GBF1: variants seen among roughly 807,000 people sequenced by gnomAD.
GBF1 encodes the protein Golgi-specific brefeldin A-resistance guanine nucleotide exchange factor 1.
A neutral mutation model predicts 210.5 loss-of-function variants in GBF1; 114 were observed. That is an observed-to-expected ratio of 0.54 (90% CI 0.47 to 0.63). GBF1 has a LOEUF of 0.63. Among genes scored for constraint, GBF1 ranks in the 30% least tolerant of loss-of-function variants. The pLI is 0.00. For synonymous variants in GBF1, 850 were observed against 889.2 expected (o/e 0.96, Z 0.78); for missense variants, 1,851 against 2,357.7 (o/e 0.79, Z 4.45).
In GBF1 at chr10:102,358,088, AGAAGAGATCCC is replaced by A; in HGVS notation, c.690_700del (p.Gln230HisfsTer27). Reference sequence around the variant, plus strand: ...AGTGATTCATCCAAATGGAAGAAACAGAAGAGATCCCCTCGGCCCCCACGCCATATGACCAA... The same window carrying A: ...AGTGATTCATCCAAATGGAAGAAACACTCGGCCCCCACGCCATATGACCAA... On this transcript the variant is annotated frameshift_variant, in exon 9 of 40. Coordinates refer to ENST00000369983, the MANE Select transcript of GBF1 (RefSeq NM_001377137.1). LOFTEE classifies it high-confidence loss of function. 1 of 1,610,360 alleles carries A rather than the reference AGAAGAGATCCC, an allele frequency of 6.2e-7. No homozygotes were observed. Among genetic ancestry groups the A allele is most frequent in the Non-Finnish European group, 8.5e-7 (1 of 1,176,544 alleles).
chr10:102,358,768 A>G (rs1465161931), intron 10 of GBF1, 39 bp downstream of exon 10: 2 of 1,324,650 alleles, frequency 1.5e-6, no homozygotes, highest in Admixed American at 3.6e-5. Context: ...TCAGTATTCC[A>G]CTGTGGGAAA....
chr10:102,382,551 G>T lies in GBF1; in HGVS notation c.*215G>T, dbSNP rs2060919143. 1 of 511,262 alleles carries T rather than the reference G, an allele frequency of 2.0e-6. No homozygotes were observed. The highest frequency in any genetic ancestry group is 3.4e-6 in the Non-Finnish European group (1 of 291,448). The allele number at this position is 511,262 out of a possible 1,614,324, so 31.7% of individuals were successfully genotyped here. ...TCCTCCTCTGCGCTCCATTCCTGGG[G>T]GTTCAGCCTGAGAGTGAACTCAGCT... On this transcript the variant is annotated 3_prime_UTR_variant, in exon 40 of 40. Coordinates refer to ENST00000369983, the MANE Select transcript of GBF1 (RefSeq NM_001377137.1).
intron 4 of GBF1, among the ~76,000 whole-genome samples, chr10:102,347,024 G>A (rs934993956): frequency 2.0e-5 from 3 of 152,110 alleles, no homozygotes; most frequent in East Asian, 3.9e-4. Context: ...TTTCTTCATG[G>A]TGTCTTTCTT....
At chr10:102,273,656 C>T (rs924816023) in intron 3 of GBF1, among the ~76,000 whole-genome samples, 1 of 152,220 alleles carries the variant, frequency 6.6e-6, no homozygotes, top group Non-Finnish European at 1.5e-5. Context: ...CTCTGTGAGG[C>T]ACCTTAGCCC....
chr10:102,332,122 A>C (rs2057380955), intron 3 of GBF1, among the ~76,000 whole-genome samples: 1 of 152,072 alleles, frequency 6.6e-6, no homozygotes, highest in South Asian at 2.1e-4. Flanking sequence ...CGCCTCCCAA[A>C]GTGCTGGGAT....
intron 3 of GBF1, among the ~76,000 whole-genome samples, chr10:102,274,901 AG>A (rs2074800099): frequency 6.6e-6 from 1 of 151,490 alleles, no homozygotes; most frequent in South Asian, 2.1e-4. Flanking sequence ...TAGTAGTGAC[AG>A]GGTTTCACCA....
chr10:102,367,624 A>G (rs1264024004), intron 21 of GBF1, 64 bp downstream of exon 21: 21 of 973,658 alleles, frequency 2.2e-5, no homozygotes, highest in Non-Finnish European at 3.3e-5. Flanking sequence ...TTCCTTTCCC[A>G]GTTTTTAGAG....
At chr10:102,297,494 A>C (rs2246775) in intron 3 of GBF1, among the ~76,000 whole-genome samples, 49,853 of 152,206 alleles carry the variant, frequency 0.33, 8,848 homozygotes, top group South Asian at 0.48. Context: ...AGATTCACAT[A>C]GCAAACATCA....
At chr10:102,348,866 G>A (rs1007595985) in intron 4 of GBF1, among the ~76,000 whole-genome samples, 3 of 152,062 alleles carry the variant, frequency 2.0e-5, no homozygotes, top group Non-Finnish European at 4.4e-5. Flanking sequence ...GAAATGTTTG[G>A]GGGCCAGGCA....
At chr10:102,332,167 A>G (rs976591796) in intron 3 of GBF1, among the ~76,000 whole-genome samples, 4 of 151,586 alleles carry the variant, frequency 2.6e-5, no homozygotes, top group Admixed American at 1.3e-4. Flanking sequence ...GCCTTCCCCT[A>G]TACTTTAAAT....
intron 17 of GBF1, among the ~76,000 whole-genome samples, chr10:102,365,118 T>G (rs1490983930): frequency 1.3e-5 from 2 of 152,246 alleles, no homozygotes; most frequent in Non-Finnish European, 1.5e-5. Flanking sequence ...TTCTTTCTTC[T>G]ACTTTTCCCC....
Position 102,363,306 on chromosome 10 carries a change from C to G in GBF1, c.1927C>G (p.Pro643Ala). ...AGCTGTAGGCATGGCCTCAGACATC[C>G]CAGGCCTGCATCTGCCAGGTGGAGG... ...GKAVGMASDI[P>A]GLHLPGGGRL... Residue 643 changes from proline to alanine, a missense_variant, in exon 16 of 40, where the codon CCA becomes GCA. Around this residue, in one of 3 missense-constraint regions of GBF1, gnomAD observed 804 missense variants for 958.6 expected, o/e 0.84. Coordinates refer to ENST00000369983, the MANE Select transcript of GBF1 (RefSeq NM_001377137.1). The surrounding 1 kb of genome is among the most constrained non-coding windows in gnomAD (Gnocchi z 4.2). 1 of 1,613,680 alleles carries G rather than the reference C, an allele frequency of 6.2e-7. No individual in the cohort carries two copies. Among genetic ancestry groups the G allele is most frequent in the Non-Finnish European group, 8.5e-7 (1 of 1,179,638 alleles).
At position 102,381,170 on chromosome 10, in the gene GBF1, A is replaced by C; in HGVS notation, c.5217A>C (p.Ser1739=). ...MEPQGQKPLA[S]AHLTSAAGDT... is the part of the protein sequence containing the mutation. ...CTCAAGGCCAAAAGCCTCTCGCCTC[A>C]GCCCACCTGACTTCCGCTGCTGGCG... The change falls in exon 39 of 40, where the codon TCA becomes TCC. Residue 1739 remains serine (S), a synonymous_variant. Transcript: ENST00000369983. The C allele has an allele frequency of 1.9e-6, 3 of 1,613,944 alleles. No homozygotes were observed. The highest frequency in any genetic ancestry group is 1.7e-6 in the Non-Finnish European group (2 of 1,179,902).
At chr10:102,287,344 C>CTTTTTTTTTTT (rs763880492) in intron 3 of GBF1, among the ~76,000 whole-genome samples, 14 of 69,518 alleles carry the variant, frequency 2.0e-4, no homozygotes, top group African/African-American at 6.8e-4. Context: ...ATTTTATTTT[C>CTTTTTTTTTTT]TTTTTTTTTT....
chr10:102,349,754 C>T lies in GBF1; in HGVS notation c.296-1502C>T, dbSNP rs1283294790. 2.0e-5 allele frequency among the ~76,000 whole-genome samples: 3 copies of T among 152,142 alleles called. No homozygotes were observed. In the East Asian group the frequency reaches 5.8e-4, roughly 29 times the overall value. ...CTTCAGAGCAGACCTAGGGCAGGAG[C>T]TAGGCAAGACCCTTGATGGTGACAA... On this transcript the variant is annotated intron_variant, in intron 4 of 39. Coordinates refer to ENST00000369983, the MANE Select transcript of GBF1 (RefSeq NM_001377137.1).
At chr10:102,350,597 T>C (rs1285409063) in intron 4 of GBF1, among the ~76,000 whole-genome samples, 11 of 152,078 alleles carry the variant, frequency 7.2e-5, no homozygotes. Context: ...TCTATGAAAT[T>C]AGTAGATTTA....
intron 3 of GBF1, among the ~76,000 whole-genome samples, chr10:102,334,204 C>G (rs1012112770): frequency 6.6e-6 from 1 of 152,106 alleles, no homozygotes; most frequent in African/African-American, 2.4e-5. Flanking sequence ...ATTTCTGAAG[C>G]CAAATGGTGT....
In GBF1 at chr10:102,382,219, G is replaced by A; in HGVS notation, c.5466G>A (p.Val1822=). The change falls in exon 40 of 40, where the codon GTG becomes GTA. Residue 1822 remains valine, a synonymous_variant. Coordinates refer to ENST00000369983, the MANE Select transcript of GBF1 (RefSeq NM_001377137.1). ...QPLASPLQVG[V]PPMTLPIILN... is the part of the protein sequence containing the mutation. ...TGGCCTCCCCACTGCAGGTGGGCGT[G>A]CCACCTATGACTCTGCCCATCATCC... is the stretch of plus-strand genomic sequence containing the variant. 4.3e-6 allele frequency: 7 copies of A among 1,613,984 alleles called. No individual in the cohort carries two copies. The highest frequency in any genetic ancestry group is 5.9e-6 in the Non-Finnish European group (7 of 1,179,878).
At chr10:102,357,917 AC>A in intron 8 of GBF1, 121 bp from the exon 9 acceptor site, 1 of 718,272 alleles carries the variant, frequency 1.4e-6, no homozygotes, top group South Asian at 1.7e-5. Flanking sequence ...CTAGAGTCTT[AC>A]TTTAGCAAAG....
Sources: gnomAD v4.1 joint callset for allele counts (sites outside exome capture counted in the v4.1 genomes callset) on GRCh38, gnomAD v4.1.1 for gene constraint, gnomAD v4.1.1 regional missense constraint, Gnocchi (gnomAD v3.1) non-coding constraint, MANE v1.5 for transcripts, NCBI Gene and HGNC (gene_info 2026-07-23, HGNC 2026-07-21) for gene names.